WDR7: variants seen among roughly 807,000 people sequenced by gnomAD.
The protein encoded by WDR7 is WD repeat domain 7.
WDR7 carries 46 observed loss-of-function variants against 169.4 expected under a neutral mutation model. The observed-to-expected ratio is 0.27, with a 90% CI of 0.21 to 0.35. The LOEUF (loss-of-function observed/expected upper bound fraction) is 0.35. Among genes scored for constraint, WDR7 ranks in the 10% least tolerant of loss-of-function variants. WDR7 has a pLI of 1.00. For synonymous variants in WDR7, 612 were observed against 666.8 expected (o/e 0.92, Z 1.27); for missense variants, 1,534 against 1,859.3 (o/e 0.83, Z 3.22).
chr18:56,832,250 G>A (rs1288640654), intron 20 of WDR7, among the ~76,000 whole-genome samples: 1 of 152,198 alleles, frequency 6.6e-6, no homozygotes, highest in African/African-American at 2.4e-5. Context: ...GGAGCCCACC[G>A]CAGGGCCACA....
chr18:56,933,775 A>C (rs2046922293), intron 22 of WDR7, among the ~76,000 whole-genome samples: 1 of 152,202 alleles, frequency 6.6e-6, no homozygotes, highest in Admixed American at 6.5e-5. Context: ...CTCACTTGTA[A>C]ATACCTGTAT....
At chr18:56,775,535 CATAAGT>C (rs1267198759) in intron 16 of WDR7, among the ~76,000 whole-genome samples, 1 of 152,034 alleles carries the variant, frequency 6.6e-6, no homozygotes, top group East Asian at 1.9e-4. Context: ...CTATTTATTT[CATAAGT>C]ATAACATTGT....
intron 26 of WDR7, among the ~76,000 whole-genome samples, chr18:56,969,923 A>C (rs933613390): frequency 6.6e-6 from 1 of 152,180 alleles, no homozygotes; most frequent in African/African-American, 2.4e-5. Flanking sequence ...AATAGAGTAG[A>C]TTCTGAAACT....
chr18:56,946,701 A>G (rs527356413), intron 25 of WDR7, among the ~76,000 whole-genome samples: 1 of 152,102 alleles, frequency 6.6e-6, no homozygotes, highest in African/African-American at 2.4e-5. Flanking sequence ...GTATGTGTAT[A>G]TGTACCTAAG....
intron 12 of WDR7, among the ~76,000 whole-genome samples, chr18:56,700,694 C>T (rs1447148264): frequency 1.3e-5 from 2 of 150,368 alleles, no homozygotes; most frequent in African/African-American, 4.9e-5. Flanking sequence ...CTCAGCCTCC[C>T]GAGTAGCTGG....
chr18:56,916,845 T>C (rs2028114), intron 21 of WDR7, among the ~76,000 whole-genome samples: 123,289 of 152,012 alleles, frequency 0.81, 50,483 homozygotes, highest in East Asian at 0.98. Flanking sequence ...AGGTAGATCA[T>C]GAGGTCAGGA....
At chr18:56,969,962 GCTT>G (rs1821968476) in intron 26 of WDR7, among the ~76,000 whole-genome samples, 1 of 152,066 alleles carries the variant, frequency 6.6e-6, no homozygotes, top group Non-Finnish European at 1.5e-5. Context: ...TCCTTCCTCA[GCTT>G]CTTCTTAGTT....
intron 14 of WDR7, among the ~76,000 whole-genome samples, chr18:56,733,348 C>A (rs2026628555): frequency 1.3e-5 from 2 of 152,104 alleles, no homozygotes; most frequent in Admixed American, 1.3e-4. Context: ...GTTTGAGGTT[C>A]CTTCTGAAGA....
At chr18:56,929,831 T>C (rs775436479) in intron 22 of WDR7, among the ~76,000 whole-genome samples, 13 of 152,238 alleles carry the variant, frequency 8.5e-5, no homozygotes, top group South Asian at 4.1e-4. Flanking sequence ...ATTAACCTTT[T>C]TATGCATTCA....
intron 20 of WDR7, among the ~76,000 whole-genome samples, chr18:56,877,284 G>C (rs187198069): frequency 6.6e-6 from 1 of 152,140 alleles, no homozygotes; most frequent in East Asian, 1.9e-4. Flanking sequence ...GAAGAAGAAA[G>C]TCAAACTAAA....
intron 21 of WDR7, among the ~76,000 whole-genome samples, chr18:56,906,278 A>G (rs1156275949): frequency 6.6e-6 from 1 of 152,220 alleles, no homozygotes; most frequent in Non-Finnish European, 1.5e-5. Context: ...GGATAAAAGA[A>G]CTGATTTCTT....
intron 12 of WDR7, among the ~76,000 whole-genome samples, chr18:56,712,087 A>G (rs906971662): frequency 9.2e-5 from 14 of 152,232 alleles, no homozygotes; most frequent in Admixed American, 3.3e-4. Flanking sequence ...AAAAAGAGTA[A>G]TTTAGTTTAG....
intron 19 of WDR7, among the ~76,000 whole-genome samples, chr18:56,809,870 A>G (rs2044839342): frequency 6.6e-6 from 1 of 152,090 alleles, no homozygotes; most frequent in Non-Finnish European, 1.5e-5. Flanking sequence ...TTTTAAACAC[A>G]TGTAAATAGT....
chr18:57,004,710 C>G (rs2048031196), intron 26 of WDR7, among the ~76,000 whole-genome samples: 2 of 152,100 alleles, frequency 1.3e-5, no homozygotes, highest in South Asian at 4.1e-4. Flanking sequence ...AGAAGGATTT[C>G]TTGTATTTAA....
intron 26 of WDR7, among the ~76,000 whole-genome samples, chr18:56,999,584 T>C (rs1257538860): frequency 2.0e-5 from 3 of 152,062 alleles, no homozygotes; most frequent in African/African-American, 7.2e-5. Context: ...GAAAAATCTC[T>C]AGAAAAAAGG....
chr18:56,731,843 T>C (rs113783577), intron 14 of WDR7, among the ~76,000 whole-genome samples: 87 of 152,344 alleles, frequency 5.7e-4, no homozygotes, highest in African/African-American at 1.9e-3. Flanking sequence ...GACTTTAGTT[T>C]CTGAAATTAG....
chr18:56,665,957 G>A (rs1160325004), intron 1 of WDR7, among the ~76,000 whole-genome samples: 1 of 152,064 alleles, frequency 6.6e-6, no homozygotes, highest in Non-Finnish European at 1.5e-5. Flanking sequence ...ATCCTGATTT[G>A]TGAGGGGGTC....
At chr18:56,991,312 G>A (rs1360456217) in intron 26 of WDR7, among the ~76,000 whole-genome samples, 5 of 151,980 alleles carry the variant, frequency 3.3e-5, no homozygotes, top group Admixed American at 1.3e-4. Flanking sequence ...ACTCCCGGCT[G>A]ATTTTTTGTA....
chr18:56,683,980 T>C (rs182525981), intron 5 of WDR7, among the ~76,000 whole-genome samples: 132 of 152,172 alleles, frequency 8.7e-4, no homozygotes, highest in Non-Finnish European at 1.5e-3. Context: ...CAGTTTAGAG[T>C]GCAAAGTGTG....
Sources: gnomAD v4.1 joint callset for allele counts (sites outside exome capture counted in the v4.1 genomes callset) on GRCh38, gnomAD v4.1.1 for gene constraint, MANE v1.5 for transcripts, NCBI Gene and HGNC (gene_info 2026-07-23, HGNC 2026-07-21) for gene names.